CMTM8: variants seen among roughly 807,000 people sequenced by gnomAD.
CMTM8 encodes CKLF like MARVEL transmembrane domain containing 8.
In CMTM8, 12 loss-of-function variants were observed where a neutral mutation model predicts 18.6. The ratio of observed to expected loss-of-function variants is 0.65; its 90% CI spans 0.41 to 1.05. The LOEUF (loss-of-function observed/expected upper bound fraction) is 1.05. CMTM8 is among the 50% of genes least tolerant of loss of function. The pLI is 0.00. For synonymous variants in CMTM8, 87 were observed against 90.6 expected (o/e 0.96, Z 0.23); for missense variants, 217 against 227.2 (o/e 0.95, Z 0.29).
chr3:32,265,817 T>C (rs540749511), intron 1 of CMTM8, among the ~76,000 whole-genome samples: 41 of 152,322 alleles, frequency 2.7e-4, no homozygotes, highest in Non-Finnish European at 4.1e-4. Flanking sequence ...CAGAGAATAC[T>C]ATAAACACCT....
At chr3:32,307,743 C>T (rs1009739345) in intron 1 of CMTM8, among the ~76,000 whole-genome samples, 10 of 152,108 alleles carry the variant, frequency 6.6e-5, no homozygotes, top group Admixed American at 2.6e-4. Context: ...GTTGTTAAAT[C>T]GGAGCTCCCC....
intron 3 of CMTM8, 106 bp from the exon 4 acceptor site, chr3:32,369,778 A>G (rs1048972148): frequency 1.6e-5 from 10 of 611,220 alleles, no homozygotes; most frequent in Non-Finnish European, 2.6e-5. Flanking sequence ...AAAGCCTGGT[A>G]TCAAGAAAAG....
chr3:32,322,854 A>C (rs922028273), intron 1 of CMTM8, among the ~76,000 whole-genome samples: 1 of 152,218 alleles, frequency 6.6e-6, no homozygotes, highest in African/African-American at 2.4e-5. Context: ...TAATCCAGAG[A>C]CAGAGAAAGC....
intron 1 of CMTM8, chr3:32,259,894 C>A (rs1702232864): frequency 2.1e-6 from 2 of 963,210 alleles, no homozygotes; most frequent in South Asian, 2.7e-5. Context: ...TGAAGGCCAG[C>A]CTGGAGAACA....
chr3:32,251,675 G>A (rs1384149385), intron 1 of CMTM8, among the ~76,000 whole-genome samples: 2 of 151,956 alleles, frequency 1.3e-5, no homozygotes, highest in African/African-American at 4.8e-5. Flanking sequence ...TAATTTGTAT[G>A]AAATCTAAAC....
chr3:32,288,839 G>C (rs1355805221), intron 1 of CMTM8, among the ~76,000 whole-genome samples: 2 of 152,152 alleles, frequency 1.3e-5, no homozygotes, highest in African/African-American at 2.4e-5. Flanking sequence ...TTTCCAGTGA[G>C]CTATCTCAGT....
At chr3:32,354,218 C>G (rs1696768362) in intron 1 of CMTM8, among the ~76,000 whole-genome samples, 1 of 151,362 alleles carries the variant, frequency 6.6e-6, no homozygotes, top group Non-Finnish European at 1.5e-5. Flanking sequence ...GTAGTCTAAG[C>G]AAATACAGAT....
chr3:32,271,160 C>T (rs988985596), intron 1 of CMTM8, among the ~76,000 whole-genome samples: 1 of 152,166 alleles, frequency 6.6e-6, no homozygotes, highest in Non-Finnish European at 1.5e-5. Context: ...GAGTTTCGCT[C>T]TTGTTGCCCA....
chr3:32,277,207 G>GA (rs1308975417), intron 1 of CMTM8, among the ~76,000 whole-genome samples: 2 of 151,898 alleles, frequency 1.3e-5, no homozygotes, highest in Non-Finnish European at 2.9e-5. Flanking sequence ...ATTTAGTCTT[G>GA]AAAAGGAGAG....
chr3:32,337,437 C>T (rs6776861), intron 1 of CMTM8, among the ~76,000 whole-genome samples: 4,799 of 152,280 alleles, frequency 0.032, 136 homozygotes, highest in African/African-American at 0.067. Flanking sequence ...CTTGAAGACT[C>T]TAAGCTGTTT....
intron 1 of CMTM8, among the ~76,000 whole-genome samples, chr3:32,345,378 T>C (rs1305420363): frequency 6.6e-6 from 1 of 152,034 alleles, no homozygotes; most frequent in Non-Finnish European, 1.5e-5. Flanking sequence ...TTTTTTTTTC[T>C]TCATAGAAAA....
At chr3:32,262,231 G>A (rs1474525845) in intron 1 of CMTM8, among the ~76,000 whole-genome samples, 2 of 152,154 alleles carry the variant, frequency 1.3e-5, no homozygotes, top group Non-Finnish European at 2.9e-5. Flanking sequence ...TCTGTGGACT[G>A]CCACAGAAAA....
chr3:32,357,347 T>C (rs776293480), intron 1 of CMTM8, 26 bp from the exon 2 acceptor site: 5 of 1,596,318 alleles, frequency 3.1e-6, no homozygotes, highest in East Asian at 2.2e-5. Flanking sequence ...TCCCCTCCTC[T>C]CTCCACTGCT....
chr3:32,258,989 G>A (rs1702215219), intron 1 of CMTM8: 4 of 330,450 alleles, frequency 1.2e-5, no homozygotes, highest in South Asian at 3.0e-5. Context: ...CAGTCCGTGG[G>A]CTCTGTCCAG....
chr3:32,244,609 T>C (rs1237004256), intron 1 of CMTM8, among the ~76,000 whole-genome samples: 3 of 152,242 alleles, frequency 2.0e-5, no homozygotes, highest in African/African-American at 7.2e-5. Context: ...TGATATGCTG[T>C]TTGCTTTTAC....
rs115269635 is a variant in CMTM8, at chr3:32,363,911, A to G, written c.322-3961A>G. Reference sequence around the variant, plus strand: ...GGTTGTAGACAAGGTGGGGAGGGAAAAGGGGATTCTTAGCCAGCATCAGCC... The same window carrying G: ...GGTTGTAGACAAGGTGGGGAGGGAAGAGGGGATTCTTAGCCAGCATCAGCC... On this transcript the variant is annotated intron_variant, in intron 2 of 3. Coordinates refer to ENST00000307526, the MANE Select transcript of CMTM8 (RefSeq NM_178868.5). Among the ~76,000 whole-genome samples the G allele has an allele frequency of 3.4e-3, 516 of 152,256 alleles. 4 individuals carry two copies. The highest frequency in any genetic ancestry group is 0.012 in the African/African-American group (500 of 41,540).
chr3:32,296,883 C>T (rs1184295957), intron 1 of CMTM8, among the ~76,000 whole-genome samples: 1 of 152,174 alleles, frequency 6.6e-6, no homozygotes, highest in Admixed American at 6.5e-5. Context: ...TGATGCTTGA[C>T]ATGGCCAGTA....
intron 1 of CMTM8, among the ~76,000 whole-genome samples, chr3:32,301,416 A>G (rs538059457): frequency 1.2e-4 from 18 of 152,356 alleles, no homozygotes; most frequent in Non-Finnish European, 2.2e-4. Context: ...ATAACAATAT[A>G]TAAATTTCTA....
intron 1 of CMTM8, among the ~76,000 whole-genome samples, chr3:32,282,840 C>T (rs972318177): frequency 2.0e-5 from 3 of 152,318 alleles, no homozygotes; most frequent in African/African-American, 4.8e-5. Flanking sequence ...AGCAAGCATG[C>T]TCCAGCTCTA....
Sources: allele counts gnomAD v4.1 joint callset (sites outside exome capture counted in the v4.1 genomes callset), GRCh38; gene constraint gnomAD v4.1.1; transcripts MANE v1.5; gene names NCBI Gene and HGNC (gene_info 2026-07-23, HGNC 2026-07-21).